The following SLC7A14 variants were observed in gnomAD, a reference collection of about 807,000 sequenced individuals.
The protein encoded by SLC7A14 is solute carrier family 7 member 14.
Under a neutral mutation model 60.2 loss-of-function variants are expected in SLC7A14, and 37 were observed. The ratio of observed to expected loss-of-function variants is 0.61; its 90% CI spans 0.47 to 0.81. The LOEUF is 0.81. Among genes scored for constraint, SLC7A14 ranks in the 30% least tolerant of loss-of-function variants. The probability of loss-of-function intolerance (pLI) is 0.00; values close to 1 mark genes in which losing one functional copy is unlikely to be tolerated. For missense variants in SLC7A14, 886 were observed against 982.7 expected, an observed-to-expected ratio of 0.90 and a Z score of 1.32; for synonymous variants, 399 against 395.8, an observed-to-expected ratio of 1.01 and a Z score of -0.10.
At chr3:170,488,854 G>A (rs905207255) in intron 4 of SLC7A14, among the ~76,000 whole-genome samples, 8 of 149,378 alleles carry the variant, frequency 5.4e-5, no homozygotes, top group Non-Finnish European at 1.0e-4. Context: ...TATTCTACAC[G>A]TTCAAGTCCT....
At chr3:170,544,798 A>G (rs1156587250) in intron 1 of SLC7A14, among the ~76,000 whole-genome samples, 4 of 152,220 alleles carry the variant, frequency 2.6e-5, no homozygotes, top group African/African-American at 9.6e-5. Flanking sequence ...CAAGGTAAAG[A>G]TGAGGAAACT....
In SLC7A14 at chr3:170,462,795, A is replaced by G. The variant is rs942962632; in HGVS notation, c.*4260T>C. On this transcript the variant is annotated 3_prime_UTR_variant, in exon 8 of 8. Transcript: ENST00000231706. Reference sequence around the variant, plus strand: ...GCTGAGATTTTACTGTTTAGATTAGATAGATATAAAAAGTTGTTAGGTTTA... The same window carrying G: ...GCTGAGATTTTACTGTTTAGATTAGGTAGATATAAAAAGTTGTTAGGTTTA... 6.6e-6 allele frequency: 1 copy of G among 152,062 alleles called. No individual in the cohort carries two copies. Among genetic ancestry groups the G allele is most frequent in the East Asian group, 1.9e-4 (1 of 5,200 alleles). The allele number at this position is 152,062 out of a possible 1,614,324, so 9.4% of individuals were successfully genotyped here.
rs539811179 is a variant in SLC7A14 at position 170,464,828 on chromosome 3, G to C, written c.*2227C>G. 1 of 152,242 alleles carries C rather than the reference G, an allele frequency of 6.6e-6. No individual in the cohort carries two copies. Among genetic ancestry groups the C allele is most frequent in the African/African-American group, 2.4e-5 (1 of 41,552 alleles). 9.4% of individuals were successfully genotyped at this position (152,242 alleles called of 1,614,324 possible). A position where few individuals can be genotyped will look rare whatever the true frequency, so the allele number is the denominator to read the frequency against. On this transcript the variant is annotated 3_prime_UTR_variant, in exon 8 of 8. Transcript: ENST00000231706. ...AGTAAAAGGAAGCTCTTTCACCCAC[G>C]TTAAGATTTTGCCATTTTGCACTCC...
intron 2 of SLC7A14, among the ~76,000 whole-genome samples, chr3:170,516,202 T>C (rs555776797): frequency 1.2e-4 from 18 of 152,340 alleles, no homozygotes; most frequent in Admixed American, 1.1e-3. Context: ...GGCTGTCAAT[T>C]GATCCCTATA....
At chr3:170,531,789 A>G (rs1405230542) in intron 1 of SLC7A14, among the ~76,000 whole-genome samples, 1 of 152,208 alleles carries the variant, frequency 6.6e-6, no homozygotes. Flanking sequence ...CAGGTTTCTC[A>G]AAATACTTCA....
chr3:170,572,060 CAAA>C (rs765897392), intron 1 of SLC7A14, among the ~76,000 whole-genome samples: 3 of 80,692 alleles, frequency 3.7e-5, no homozygotes, highest in Non-Finnish European at 7.6e-5. Flanking sequence ...GACTCTGTCT[CAAA>C]AAAAAAAAAA....
At chr3:170,577,151 A>G (rs981455814) in intron 1 of SLC7A14, among the ~76,000 whole-genome samples, 1 of 152,180 alleles carries the variant, frequency 6.6e-6, no homozygotes, top group African/African-American at 2.4e-5. Flanking sequence ...CACTGGCCCT[A>G]TTTGTAATGT....
intron 7 of SLC7A14, among the ~76,000 whole-genome samples, chr3:170,471,317 C>T (rs1426616434): frequency 6.6e-6 from 1 of 152,146 alleles, no homozygotes; most frequent in East Asian, 1.9e-4. Flanking sequence ...TTTGGCTTAA[C>T]GTTTTATTTG....
In SLC7A14 at chr3:170,488,130, G is replaced by A. The variant is rs367692821; in HGVS notation, c.760-1762C>T. 7.9e-5 allele frequency among the ~76,000 whole-genome samples: 12 copies of A among 152,178 alleles called. No homozygotes were observed. In the South Asian group the frequency reaches 8.3e-4, roughly 11 times the overall value. On this transcript the variant is annotated intron_variant, in intron 4 of 7. Coordinates refer to ENST00000231706, the MANE Select transcript of SLC7A14 (RefSeq NM_020949.3). ...AATATAATTGATTTCCTTTGAATTC[G>A]TGTGTAATTAGGCTATTCATTTAAA...
At chr3:170,470,657 G>A (rs1243030113) in intron 7 of SLC7A14, among the ~76,000 whole-genome samples, 2 of 149,536 alleles carry the variant, frequency 1.3e-5, no homozygotes, top group African/African-American at 4.9e-5. Flanking sequence ...GAAAAGTGGT[G>A]TGAAACTGAG....
chr3:170,515,969 T>G (rs1367627384), intron 2 of SLC7A14, among the ~76,000 whole-genome samples: 2 of 152,216 alleles, frequency 1.3e-5, no homozygotes, highest in Non-Finnish European at 2.9e-5. Flanking sequence ...CCTGCTATGC[T>G]GGGCCCAGAG....
intron 1 of SLC7A14, among the ~76,000 whole-genome samples, chr3:170,531,374 C>G (rs1713676066): frequency 6.6e-6 from 1 of 151,998 alleles, no homozygotes; most frequent in African/African-American, 2.4e-5. Context: ...GAAACTGTCA[C>G]AAGGACACCG....
intron 1 of SLC7A14, among the ~76,000 whole-genome samples, chr3:170,557,229 A>C (rs960546247): frequency 6.6e-6 from 1 of 152,038 alleles, no homozygotes; most frequent in Admixed American, 6.6e-5. Context: ...ACTTTCTAAC[A>C]GGATGCATTA....
chr3:170,462,481 G>A lies in SLC7A14; in HGVS notation c.*4574C>T, dbSNP rs1739627616. On this transcript the variant is annotated 3_prime_UTR_variant, in exon 8 of 8. Coordinates refer to ENST00000231706, the MANE Select transcript of SLC7A14 (RefSeq NM_020949.3). ...TGGCTGACCTATAGATTCTGAAGAA[G>A]GATGGATTGTTAAATTCAACAACTC... is the stretch of plus-strand genomic sequence containing the variant. The A allele has an allele frequency of 6.6e-6, 1 of 152,154 alleles. No homozygotes were observed. Among genetic ancestry groups the A allele is most frequent in the Non-Finnish European group, 1.5e-5 (1 of 68,020 alleles). The allele number at this position is 152,154 out of a possible 1,614,324, so 9.4% of individuals were successfully genotyped here. A position where few individuals can be genotyped will look rare whatever the true frequency, so the allele number is the denominator to read the frequency against.
intron 1 of SLC7A14, among the ~76,000 whole-genome samples, chr3:170,569,464 A>G (rs1364827777): frequency 2.0e-5 from 3 of 151,778 alleles, no homozygotes; most frequent in Non-Finnish European, 2.9e-5. Context: ...ATATTGGTCT[A>G]AAATTCTCTT....
chr3:170,580,547 A>T (rs1715207691), intron 1 of SLC7A14, among the ~76,000 whole-genome samples: 1 of 152,228 alleles, frequency 6.6e-6, no homozygotes, highest in Admixed American at 6.5e-5. Flanking sequence ...CCCATATGCA[A>T]CAAAGGCTTG....
chr3:170,565,047 A>G (rs1418909994), intron 1 of SLC7A14, among the ~76,000 whole-genome samples: 2 of 152,174 alleles, frequency 1.3e-5, no homozygotes, highest in Admixed American at 6.5e-5. Flanking sequence ...TAGTCTCTTT[A>G]GGCTCTGAAG....
chr3:170,521,580 A>C (rs553783171), intron 2 of SLC7A14, among the ~76,000 whole-genome samples: 19 of 152,234 alleles, frequency 1.2e-4, no homozygotes, highest in Non-Finnish European at 2.1e-4. Flanking sequence ...TCTAGAATAT[A>C]TAAGGAATGC....
chr3:170,476,617 C>T (rs1397418531), intron 7 of SLC7A14, among the ~76,000 whole-genome samples: 1 of 152,186 alleles, frequency 6.6e-6, no homozygotes, highest in Admixed American at 6.5e-5. Context: ...CATATGATAG[C>T]CAGTCTGTCC....
Sources: allele counts gnomAD v4.1 joint callset (sites outside exome capture counted in the v4.1 genomes callset), GRCh38; gene constraint gnomAD v4.1.1; transcripts MANE v1.5; gene names NCBI Gene and HGNC (gene_info 2026-07-23, HGNC 2026-07-21).